Variants in SPMIP2 observed in about 807,000 individuals in gnomAD.
The protein encoded by SPMIP2 is protein SPMIP2.
At chr4:158,973,103 T>C in the SPMIP2 span, 2 of 1,599,020 alleles carry the variant, frequency 1.3e-6, no homozygotes, top group Non-Finnish European at 1.7e-6. Context: ...CACTCCCCAG[T>C]CTTGATTTGT....
chr4:158,919,780 A>G, the SPMIP2 span, among the ~76,000 whole-genome samples: 1 of 152,170 alleles, frequency 6.6e-6, no homozygotes, highest in Non-Finnish European at 1.5e-5. Context: ...TTTGATGCTC[A>G]AGTTATCCCA....
At chr4:159,081,438 CCCAGCACTT>C in the SPMIP2 span, among the ~76,000 whole-genome samples, 1 of 152,052 alleles carries the variant, frequency 6.6e-6, no homozygotes, top group Non-Finnish European at 1.5e-5. Flanking sequence ...TGCCTGGAGT[CCCAGCACTT>C]TGGGACTGCA....
chr4:159,045,030 G>A, the SPMIP2 span, among the ~76,000 whole-genome samples: 386 of 151,912 alleles, frequency 2.5e-3, 1 homozygote, highest in African/African-American at 4.9e-3. Flanking sequence ...GGTGGCAGTC[G>A]CAGTGAGCCG....
At chr4:158,998,059 TC>T in the SPMIP2 span, among the ~76,000 whole-genome samples, 92 of 152,292 alleles carry the variant, frequency 6.0e-4, no homozygotes, top group African/African-American at 2.2e-3. Flanking sequence ...ACAATCTCTA[TC>T]ACAACTCCTC....
chr4:158,929,764 T>C, the SPMIP2 span, among the ~76,000 whole-genome samples: 25 of 152,338 alleles, frequency 1.6e-4, no homozygotes, highest in Non-Finnish European at 3.4e-4. Flanking sequence ...TATAATTCTA[T>C]AATTATTGTT....
chr4:158,937,897 A>G, the SPMIP2 span, among the ~76,000 whole-genome samples: 1 of 152,268 alleles, frequency 6.6e-6, no homozygotes, highest in Non-Finnish European at 1.5e-5. Context: ...TCAGTTGTTC[A>G]TGATGAAATA....
the SPMIP2 span, among the ~76,000 whole-genome samples, chr4:159,080,857 G>C: frequency 1.3e-5 from 2 of 151,746 alleles, no homozygotes; most frequent in African/African-American, 4.8e-5. Flanking sequence ...CTGAGTAGCT[G>C]GGACTACAGG....
the SPMIP2 span, among the ~76,000 whole-genome samples, chr4:158,952,965 G>A: frequency 6.6e-6 from 1 of 152,176 alleles, no homozygotes; most frequent in African/African-American, 2.4e-5. Flanking sequence ...CATCTTGGGT[G>A]CTGCTAAAGG....
At chr4:159,022,786 C>A in the SPMIP2 span, among the ~76,000 whole-genome samples, 7 of 152,096 alleles carry the variant, frequency 4.6e-5, no homozygotes, top group Admixed American at 4.6e-4. Flanking sequence ...AATCCCAGCA[C>A]TTTGGGAGGC....
At chr4:159,066,589 T>TTATATATATATATATATATATATATA in the SPMIP2 span, among the ~76,000 whole-genome samples, 10 of 76,606 alleles carry the variant, frequency 1.3e-4, no homozygotes, top group Non-Finnish European at 1.9e-4. Flanking sequence ...TGTGTGTATT[T>TTATATATATATATATATATATATATA]TATATATATA....
chr4:158,959,405 A>T, the SPMIP2 span, among the ~76,000 whole-genome samples: 1 of 151,182 alleles, frequency 6.6e-6, no homozygotes, highest in Non-Finnish European at 1.5e-5. Context: ...TAAATATGGT[A>T]CGTGTTTAAT....
At chr4:158,935,688 AT>A in the SPMIP2 span, among the ~76,000 whole-genome samples, 1 of 152,354 alleles carries the variant, frequency 6.6e-6, no homozygotes, top group East Asian at 1.9e-4. Context: ...ATTGTTGGTT[AT>A]TTGAGAAATG....
the SPMIP2 span, chr4:159,007,138 G>A: frequency 1.4e-6 from 1 of 697,152 alleles, no homozygotes; most frequent in Non-Finnish European, 2.6e-6. Context: ...GCCGTGTGGG[G>A]TGCGCCTGAG....
chr4:158,928,196 T>C, the SPMIP2 span, among the ~76,000 whole-genome samples: 19 of 152,118 alleles, frequency 1.2e-4, no homozygotes, highest in African/African-American at 3.9e-4. Flanking sequence ...AGAACCTTTA[T>C]GTCTAGCTCA....
chr4:158,965,133 G>A, the SPMIP2 span, among the ~76,000 whole-genome samples: 10 of 152,030 alleles, frequency 6.6e-5, no homozygotes, highest in East Asian at 3.9e-4. Context: ...AACAAAAAAC[G>A]AAACAAAACA....
the SPMIP2 span, among the ~76,000 whole-genome samples, chr4:159,043,652 A>T: frequency 6.6e-6 from 1 of 152,150 alleles, no homozygotes; most frequent in African/African-American, 2.4e-5. Context: ...CCACCTTTAC[A>T]TTTATTTTTT....
the SPMIP2 span, among the ~76,000 whole-genome samples, chr4:158,960,797 T>C: frequency 6.6e-6 from 1 of 152,120 alleles, no homozygotes; most frequent in African/African-American, 2.4e-5. Context: ...TGGTAAAGTG[T>C]AGATTTGAAA....
chr4:159,025,385 G>A, the SPMIP2 span, among the ~76,000 whole-genome samples: 2 of 152,072 alleles, frequency 1.3e-5, no homozygotes, highest in Non-Finnish European at 2.9e-5. Flanking sequence ...GGCTGGTCTC[G>A]AGCTACTGAG....
the SPMIP2 span, chr4:159,007,712 TG>T: frequency 2.9e-6 from 2 of 681,626 alleles, no homozygotes; most frequent in Non-Finnish European, 5.3e-6. Context: ...AGGCAGCCTA[TG>T]GGGAGCTCAG....
Sources: gnomAD v4.1 joint callset for allele counts (sites outside exome capture counted in the v4.1 genomes callset) on GRCh38, gnomAD v4.1.1 for gene constraint, MANE v1.5 for transcripts, NCBI Gene and HGNC (gene_info 2026-07-23, HGNC 2026-07-21) for gene names.